The following PRSS3 variants were observed in gnomAD, a reference collection of about 807,000 sequenced individuals.
The protein encoded by PRSS3 is serine protease 3, also known as trypsin-3.
In PRSS3, 14 loss-of-function variants were observed where a neutral mutation model predicts 20.8. The observed-to-expected ratio is 0.67, with a 90% CI of 0.44 to 1.05. The LOEUF (loss-of-function observed/expected upper bound fraction) is 1.05, where lower values mean the gene tolerates loss of function less well. Ranked by LOEUF, PRSS3 falls within the 50% of genes least tolerant of loss-of-function variation. The probability of loss-of-function intolerance (pLI) is 0.00; values close to 1 mark genes in which losing one functional copy is unlikely to be tolerated. For synonymous variants in PRSS3, 91 were observed against 117.6 expected (o/e 0.77, Z 1.46); for missense variants, 237 against 306.4 (o/e 0.77, Z 1.69).
intron 1 of PRSS3, chr9:33,786,745 C>T: frequency 2.6e-6 from 2 of 765,996 alleles, no homozygotes; most frequent in Non-Finnish European, 4.8e-6. Context: ...TTCCCATCAG[C>T]CGCCCAAACC....
upstream of PRSS3, chr9:33,794,628 C>T: frequency 8.0e-7 from 1 of 1,251,866 alleles, no homozygotes; most frequent in Non-Finnish European, 1.1e-6. Flanking sequence ...ATTCTCAGAT[C>T]AGATGGTAAC....
At chr9:33,796,492 T>C (rs2119121384) in intron 1 of PRSS3, 151 bp from the exon 2 acceptor site, 1 of 1,266,750 alleles carries the variant, frequency 7.9e-7, no homozygotes, top group Non-Finnish European at 1.1e-6. Flanking sequence ...CCACATCCAG[T>C]GATGCTCACC....
chr9:33,796,829 G>C lies in PRSS3; in HGVS notation c.200+27G>C, dbSNP rs375097863. On this transcript the variant is annotated intron_variant, in intron 2 of 4. Transcript: ENST00000379405. ...TAAGTGTGGGGCCCCTGACTGCAAA[G>C]CTCCCAGCCAGGCTGCCTGGGAGAG... 2.2e-5 allele frequency: 35 copies of C among 1,598,846 alleles called. No individual in the cohort carries two copies. In the East Asian group the frequency reaches 7.9e-4, roughly 36 times the overall value.
chr9:33,798,133 G>A, intron 3 of PRSS3, 51 bp downstream of exon 3: 1 of 1,581,488 alleles, frequency 6.3e-7, no homozygotes, highest in Non-Finnish European at 8.6e-7. Context: ...ACAATTTCCA[G>A]AACGAAGCAT....
chr9:33,751,134 C>T (rs536393601), intron 1 of PRSS3, among the ~76,000 whole-genome samples: 1 of 152,334 alleles, frequency 6.6e-6, no homozygotes, highest in African/African-American at 2.4e-5. Flanking sequence ...CCTCCGTCTG[C>T]CCCGTGAGTC....
chr9:33,783,087 C>T (rs753886760), intron 1 of PRSS3, among the ~76,000 whole-genome samples: 1 of 152,094 alleles, frequency 6.6e-6, no homozygotes, highest in Non-Finnish European at 1.5e-5. Context: ...ATCTTAAAAA[C>T]GTTATTCTGA....
At chr9:33,767,752 G>C (rs57282670) in intron 1 of PRSS3, among the ~76,000 whole-genome samples, 1 of 152,048 alleles carries the variant, frequency 6.6e-6, no homozygotes, top group Non-Finnish European at 1.5e-5. Flanking sequence ...TTGAACCCAG[G>C]AGGCAGAGGT....
At chr9:33,775,421 C>A (rs1339502561) in intron 1 of PRSS3, among the ~76,000 whole-genome samples, 2 of 152,176 alleles carry the variant, frequency 1.3e-5, no homozygotes, top group South Asian at 4.1e-4. Flanking sequence ...ATGAGCAGGA[C>A]AAATCCACAG....
At chr9:33,783,915 G>A (rs933602475) in intron 1 of PRSS3, among the ~76,000 whole-genome samples, 1 of 151,476 alleles carries the variant, frequency 6.6e-6, no homozygotes, top group Admixed American at 6.6e-5. Context: ...AAAGAAGGAG[G>A]AGGAGTCAGA....
chr9:33,755,745 G>T (rs1242741351), intron 1 of PRSS3, among the ~76,000 whole-genome samples: 2 of 152,164 alleles, frequency 1.3e-5, no homozygotes, highest in African/African-American at 4.8e-5. Context: ...TCATCTCCAA[G>T]AACTCATTTC....
intron 1 of PRSS3, among the ~76,000 whole-genome samples, chr9:33,783,550 C>T (rs1167796927): frequency 1.3e-5 from 2 of 152,052 alleles, no homozygotes; most frequent in Non-Finnish European, 2.9e-5. Flanking sequence ...TGCATGTTCA[C>T]TGTATAAAAC....
chr9:33,794,905 T>C (rs765527641), upstream of PRSS3: 4 of 1,549,310 alleles, frequency 2.6e-6, no homozygotes, highest in South Asian at 4.8e-5. Context: ...GTCCCCTCCT[T>C]CTTTGAAACA....
chr9:33,787,667 T>C (rs1396293456), intron 1 of PRSS3, among the ~76,000 whole-genome samples: 2 of 152,198 alleles, frequency 1.3e-5, no homozygotes, highest in Non-Finnish European at 2.9e-5. Context: ...GGCCATAGAC[T>C]AAGCAGACCC....
rs1445821007 is a variant in PRSS3, at chr9:33,798,571, C to T, written c.540C>T (p.Thr180=). Residue 180 remains threonine (T), a synonymous_variant, in exon 4 of 5, where the codon ACC becomes ACT. Coordinates refer to ENST00000379405, the MANE Select transcript of PRSS3 (RefSeq NM_002771.4). ...ECKASYPGKI[T]NSMFCVGFLE... Reference sequence around the variant, plus strand: ...AAGCCTCCTACCCTGGAAAGATTACCAACAGCATGTTCTGTGTGGGCTTCC... The same window carrying T: ...AAGCCTCCTACCCTGGAAAGATTACTAACAGCATGTTCTGTGTGGGCTTCC... 6.2e-7 allele frequency: 1 copy of T among 1,614,180 alleles called. No individual in the cohort carries two copies.
At chr9:33,770,016 A>G (rs1465767597) in intron 1 of PRSS3, among the ~76,000 whole-genome samples, 1 of 152,174 alleles carries the variant, frequency 6.6e-6, no homozygotes, top group East Asian at 1.9e-4. Context: ...ATGGTGGCTC[A>G]TGCCTGTAAT....
At chr9:33,788,705 G>A (rs1354152715) in intron 1 of PRSS3, among the ~76,000 whole-genome samples, 6 of 152,090 alleles carry the variant, frequency 3.9e-5, no homozygotes, top group Admixed American at 1.3e-4. Context: ...AAATCCTCTC[G>A]GGGCCAAAAC....
At position 33,750,834 on chromosome 9, in the gene PRSS3, A is replaced by G. The variant is rs1822656522; in HGVS notation, c.-53+107A>G. 50 of 1,389,238 alleles carry G rather than the reference A, an allele frequency of 3.6e-5. No individual in the cohort carries two copies. The highest frequency in any genetic ancestry group is 4.2e-5 in the Non-Finnish European group (45 of 1,078,232). 86.1% of individuals were successfully genotyped at this position (1,389,238 alleles called of 1,614,324 possible). A position where few individuals can be genotyped will look rare whatever the true frequency, so the allele number is the denominator to read the frequency against. ...TGATGGAGAGGGGGTTCCGACTCGC[A>G]TGGGACCTGCGGGGGAGGGTACGCG... On this transcript the variant is annotated intron_variant, in intron 1 of 5. Transcript: ENST00000342836. This position sits in a 1 kb window ranked among gnomAD's most constrained non-coding sequence, Gnocchi z 4.8.
At chr9:33,775,057 TAA>T (rs1268310276) in intron 1 of PRSS3, among the ~76,000 whole-genome samples, 58 of 108,232 alleles carry the variant, frequency 5.4e-4, no homozygotes, top group Non-Finnish European at 7.5e-4. Context: ...TTTCTTTCTG[TAA>T]AAAAAAAAAA....
At chr9:33,751,370 G>C (rs1211566020) in intron 1 of PRSS3, among the ~76,000 whole-genome samples, 1 of 152,224 alleles carries the variant, frequency 6.6e-6, no homozygotes, top group Non-Finnish European at 1.5e-5. Flanking sequence ...TGGAGCCATG[G>C]ATGGAAGCGG....
Sources: allele counts gnomAD v4.1 joint callset (sites outside exome capture counted in the v4.1 genomes callset), GRCh38; gene constraint gnomAD v4.1.1; non-coding constraint Gnocchi (gnomAD v3.1); transcripts MANE v1.5; gene names NCBI Gene and HGNC (gene_info 2026-07-23, HGNC 2026-07-21).